Variants in UNC5B observed in about 807,000 individuals in gnomAD.
The protein encoded by UNC5B is unc-5 netrin receptor B.
In UNC5B, 56 loss-of-function variants were observed where a neutral mutation model predicts 103.7. The ratio of observed to expected loss-of-function variants is 0.54; its 90% CI spans 0.44 to 0.67. The LOEUF (loss-of-function observed/expected upper bound fraction) is 0.67, where lower values mean the gene tolerates loss of function less well. Ranked by LOEUF, UNC5B falls within the 30% of genes least tolerant of loss-of-function variation. UNC5B has a pLI of 0.00. For synonymous variants in UNC5B, 577 were observed against 542.0 expected, an observed-to-expected ratio of 1.06 and a Z score of -0.90; for missense variants, 1,194 against 1,284.5, an observed-to-expected ratio of 0.93 and a Z score of 1.08.
At chr10:71,296,048 C>T in intron 14 of UNC5B, 88 bp downstream of exon 14, 1 of 1,569,612 alleles carries the variant, frequency 6.4e-7, no homozygotes, top group Non-Finnish European at 8.7e-7. Flanking sequence ...CCTCCTAGCT[C>T]TGTCCTGTGG....
intron 1 of UNC5B, among the ~76,000 whole-genome samples, chr10:71,260,124 TG>T (rs1844382960): frequency 6.6e-6 from 1 of 152,188 alleles, no homozygotes; most frequent in Non-Finnish European, 1.5e-5. Flanking sequence ...TGGCCCAGCA[TG>T]GGGGTGGCCA....
At chr10:71,297,868 C>T (rs1456353050) in intron 15 of UNC5B, 41 bp from the exon 16 acceptor site, 1 of 1,579,048 alleles carries the variant, frequency 6.3e-7, no homozygotes, top group Non-Finnish European at 8.6e-7. Flanking sequence ...GGCAGATGCC[C>T]AGCACTGTGC....
intron 1 of UNC5B, among the ~76,000 whole-genome samples, chr10:71,253,814 C>T (rs1054758193): frequency 6.6e-6 from 1 of 152,080 alleles, no homozygotes; most frequent in Non-Finnish European, 1.5e-5. Flanking sequence ...AGCAGGGGTC[C>T]GCAGGACACT....
At position 71,299,038 on chromosome 10, in the gene UNC5B, G is replaced by A. The variant is rs1340680812; in HGVS notation, c.2673-74G>A. 1.5e-5 allele frequency: 23 copies of A among 1,571,232 alleles called. No individual in the cohort carries two copies. In the South Asian group the frequency reaches 1.5e-4, roughly 10 times the overall value. ...GCTCACAGCCTTCCCACTTCCCCTTGTGCCCCTTCACCTCCAGGCTCCGGG... is the reference window on the plus strand; with the variant it reads ...GCTCACAGCCTTCCCACTTCCCCTTATGCCCCTTCACCTCCAGGCTCCGGG... On this transcript the variant is annotated intron_variant, in intron 16 of 16. Coordinates refer to ENST00000335350, the MANE Select transcript of UNC5B (RefSeq NM_170744.5).
At chr10:71,249,947 G>T (rs1191519834) in intron 1 of UNC5B, among the ~76,000 whole-genome samples, 2 of 152,172 alleles carry the variant, frequency 1.3e-5, no homozygotes, top group African/African-American at 2.4e-5. Context: ...TGGGGACGTG[G>T]TTCCTCTCCC....
chr10:71,296,868 C>T, intron 15 of UNC5B, 126 bp downstream of exon 15: 1 of 560,556 alleles, frequency 1.8e-6, no homozygotes, highest in Non-Finnish European at 3.2e-6. Context: ...GGCAGATATT[C>T]CAGCTGCACA....
chr10:71,230,503 G>T (rs1843661109), intron 1 of UNC5B, among the ~76,000 whole-genome samples: 1 of 152,234 alleles, frequency 6.6e-6, no homozygotes, highest in South Asian at 2.1e-4. Flanking sequence ...GACCTAGCCT[G>T]CCTCTCTGGG....
At chr10:71,229,946 A>G (rs74145368) in intron 1 of UNC5B, among the ~76,000 whole-genome samples, 5,169 of 152,102 alleles carry the variant, frequency 0.034, 284 homozygotes, top group African/African-American at 0.12. Context: ...ACACCCTCTT[A>G]TTGACTCTGA....
intron 1 of UNC5B, among the ~76,000 whole-genome samples, chr10:71,214,338 C>T (rs935152752): frequency 2.6e-5 from 4 of 152,008 alleles, no homozygotes; most frequent in African/African-American, 9.7e-5. Context: ...AGCACATTCC[C>T]CACTTTTTTT....
At chr10:71,240,732 G>A (rs1197749373) in intron 1 of UNC5B, among the ~76,000 whole-genome samples, 3 of 152,248 alleles carry the variant, frequency 2.0e-5, no homozygotes, top group Admixed American at 1.3e-4. Context: ...GAGGATGGGG[G>A]CAGGAACAGC....
intron 15 of UNC5B, among the ~76,000 whole-genome samples, chr10:71,297,610 A>C (rs971592340): frequency 1.3e-5 from 2 of 152,242 alleles, no homozygotes; most frequent in African/African-American, 4.8e-5. Context: ...AAGAGGGTGC[A>C]TGTGGATTAG....
At chr10:71,252,873 G>A (rs555622159) in intron 1 of UNC5B, among the ~76,000 whole-genome samples, 1 of 152,220 alleles carries the variant, frequency 6.6e-6, no homozygotes, top group Non-Finnish European at 1.5e-5. Context: ...AGTCTGTTCG[G>A]GTCTCCCCAG....
chr10:71,222,955 T>A (rs1843480871), intron 1 of UNC5B, among the ~76,000 whole-genome samples: 1 of 152,232 alleles, frequency 6.6e-6, no homozygotes, highest in Non-Finnish European at 1.5e-5. Context: ...AAGTTGTCCC[T>A]GACCCCCTCC....
At chr10:71,257,756 T>C (rs1221929197) in intron 1 of UNC5B, among the ~76,000 whole-genome samples, 3 of 152,226 alleles carry the variant, frequency 2.0e-5, no homozygotes, top group African/African-American at 7.2e-5. Flanking sequence ...CAACCGCGCC[T>C]GTTGTAGGGC....
intron 1 of UNC5B, among the ~76,000 whole-genome samples, chr10:71,225,529 C>T (rs1843544264): frequency 6.6e-6 from 1 of 152,192 alleles, no homozygotes; most frequent in Non-Finnish European, 1.5e-5. Flanking sequence ...GGTGCCACGT[C>T]AGAGAAGGTT....
intron 1 of UNC5B, among the ~76,000 whole-genome samples, chr10:71,263,952 C>T (rs555516851): frequency 1.3e-5 from 2 of 152,294 alleles, no homozygotes; most frequent in Admixed American, 6.5e-5. Flanking sequence ...TCTTCCTTCA[C>T]CAGTGATATT....
intron 1 of UNC5B, among the ~76,000 whole-genome samples, chr10:71,245,856 G>T (rs1844020127): frequency 6.6e-6 from 1 of 152,206 alleles, no homozygotes; most frequent in Non-Finnish European, 1.5e-5. Flanking sequence ...TGCCTCCTGT[G>T]AAAATAGAGC....
Position 71,273,175 on chromosome 10 carries a change from C to A in UNC5B, c.80-6646C>A, listed in dbSNP as rs116192211. 5.8e-3 allele frequency among the ~76,000 whole-genome samples: 879 copies of A among 152,376 alleles called. 4 individuals carry two copies. Among genetic ancestry groups the A allele is most frequent in the African/African-American group, 0.02 (814 of 41,584 alleles). Reference sequence around the variant, plus strand: ...AAGTGCTGGGATTATAGGCGTGAGCCGCCGCGCCCGGCCCACAGTGCTTGT... The same window carrying A: ...AAGTGCTGGGATTATAGGCGTGAGCAGCCGCGCCCGGCCCACAGTGCTTGT... On this transcript the variant is annotated intron_variant, in intron 1 of 16. Coordinates refer to ENST00000335350, the MANE Select transcript of UNC5B (RefSeq NM_170744.5).
chr10:71,215,621 G>T (rs568348778), intron 1 of UNC5B, among the ~76,000 whole-genome samples: 4 of 152,080 alleles, frequency 2.6e-5, no homozygotes, highest in East Asian at 1.9e-4. Flanking sequence ...GCCAGAAAAG[G>T]CCACTTCAAA....
Sources: allele counts gnomAD v4.1 joint callset (sites outside exome capture counted in the v4.1 genomes callset), GRCh38; gene constraint gnomAD v4.1.1; transcripts MANE v1.5; gene names NCBI Gene and HGNC (gene_info 2026-07-23, HGNC 2026-07-21).